Variants in ESD observed in about 807,000 individuals in gnomAD.
The protein encoded by ESD is S-formylglutathione hydrolase.
ESD carries 34 observed loss-of-function variants against 38.1 expected under a neutral mutation model. That is an observed-to-expected ratio of 0.89 (90% CI 0.68 to 1.19). The LOEUF (loss-of-function observed/expected upper bound fraction) is 1.19, where lower values mean the gene tolerates loss of function less well. Among genes scored for constraint, ESD ranks in the 50% most tolerant of loss-of-function variants. ESD has a pLI of 0.00. For synonymous variants in ESD, 97 were observed against 107.0 expected, an observed-to-expected ratio of 0.91 and a Z score of 0.58; for missense variants, 334 against 327.2, an observed-to-expected ratio of 1.02 and a Z score of -0.16.
At chr13:46,784,166 A>T in intron 5 of ESD, 86 bp downstream of exon 5, 1 of 1,001,940 alleles carries the variant, frequency 1.0e-6, no homozygotes, top group African/African-American at 1.7e-5. Context: ...TATAAAATGA[A>T]TTGTATAATG....
At position 46,784,156 on chromosome 13, in the gene ESD, T is replaced by C. The variant is rs116726547; in HGVS notation, c.256+96A>G. ...AGGTTAATAGAGATAACAGCAAAAATATAAAATGAATTGTATAATGTATAT... is the reference window on the plus strand; with the variant it reads ...AGGTTAATAGAGATAACAGCAAAAACATAAAATGAATTGTATAATGTATAT... On this transcript the variant is annotated intron_variant, in intron 5 of 9. Transcript: ENST00000378720. 4.5e-3 allele frequency: 4,298 copies of C among 948,084 alleles called. 122 individuals are homozygous for C. In the African/African-American group the frequency reaches 0.063, roughly 14 times the overall value. The allele number at this position is 948,084 out of a possible 1,614,324, so 58.7% of individuals were successfully genotyped here.
intron 2 of ESD, among the ~76,000 whole-genome samples, 176 bp from the exon 3 acceptor site, chr13:46,791,596 T>C (rs1331421561): frequency 6.6e-6 from 1 of 152,088 alleles, no homozygotes; most frequent in Non-Finnish European, 1.5e-5. Context: ...CGCTCATACA[T>C]GCATTTACAC....
At chr13:46,796,067 C>T (rs1875565627) in intron 1 of ESD, among the ~76,000 whole-genome samples, 3 of 152,138 alleles carry the variant, frequency 2.0e-5, no homozygotes, top group Admixed American at 1.3e-4. Context: ...ACGCCAAACA[C>T]CTTCACATGG....
intron 1 of ESD, among the ~76,000 whole-genome samples, chr13:46,794,919 G>C (rs925240167): frequency 6.6e-6 from 1 of 151,924 alleles, no homozygotes; most frequent in Non-Finnish European, 1.5e-5. Context: ...CATTTTCTGG[G>C]TGAAATAATC....
intron 8 of ESD, among the ~76,000 whole-genome samples, chr13:46,778,641 G>A (rs1874888833): frequency 6.6e-6 from 1 of 151,700 alleles, no homozygotes; most frequent in East Asian, 1.9e-4. Flanking sequence ...ATAAGCCCCT[G>A]GTGGATGTGA....
At chr13:46,793,497 T>TTA (rs1433572384) in intron 1 of ESD, 53 bp from the exon 2 acceptor site, 2 of 152,590 alleles carry the variant, frequency 1.3e-5, no homozygotes, top group African/African-American at 2.4e-5. Flanking sequence ...ACAGCAAAGG[T>TTA]TATACAGAGC....
chr13:46,793,053 G>A (rs1566284908), intron 2 of ESD, among the ~76,000 whole-genome samples: 1 of 151,954 alleles, frequency 6.6e-6, no homozygotes, highest in African/African-American at 2.4e-5. Flanking sequence ...AAAATCAAAT[G>A]CTTTTCATTT....
chr13:46,786,046 A>G (rs1196652663), intron 4 of ESD, among the ~76,000 whole-genome samples: 1 of 152,042 alleles, frequency 6.6e-6, no homozygotes. Flanking sequence ...TAGGGATTAC[A>G]TGATTTCTAA....
At position 46,789,871 on chromosome 13, in the gene ESD, A is replaced by G. The variant is rs143152629; in HGVS notation, c.68+1475T>C. ...GCTCTTGTCGCCCAGGCTGGAGTGC[A>G]GTGGTGCCATCTTAGCTCACTGCAA... On this transcript the variant is annotated intron_variant, in intron 3 of 9. Transcript: ENST00000378720. Among the ~76,000 whole-genome samples, 344 of 151,948 alleles carry G rather than the reference A, an allele frequency of 2.3e-3. 2 individuals carry two copies. Among genetic ancestry groups the G allele is most frequent in the African/African-American group, 7.5e-3 (310 of 41,448 alleles).
chr13:46,792,529 A>T (rs1875434140), intron 2 of ESD, among the ~76,000 whole-genome samples: 1 of 152,008 alleles, frequency 6.6e-6, no homozygotes, highest in African/African-American at 2.4e-5. Context: ...TGGGATTTGA[A>T]CCCAGAAGTC....
intron 4 of ESD, among the ~76,000 whole-genome samples, chr13:46,784,932 T>C (rs912554508): frequency 8.5e-5 from 13 of 152,136 alleles, no homozygotes; most frequent in African/African-American, 2.6e-4. Context: ...CAGTGAAGTG[T>C]TATCAAATAT....
In ESD at chr13:46,780,045, A is replaced by G; in HGVS notation, c.502-12T>C. 1 of 1,548,562 alleles carries G rather than the reference A, an allele frequency of 6.5e-7. No individual in the cohort carries two copies. The highest frequency in any genetic ancestry group is 1.2e-5 in the South Asian group (1 of 84,736). On this transcript the variant is annotated splice_polypyrimidine_tract_variant and intron_variant, in intron 7 of 9. Transcript: ENST00000378720. Reference sequence around the variant, plus strand: ...AATGCTGACACAGACTTCAGAAACAAAAGAAATTTAAAAACAAGTTATATT... The same window carrying G: ...AATGCTGACACAGACTTCAGAAACAGAAGAAATTTAAAAACAAGTTATATT...
chr13:46,774,615 C>G (rs1456406289), intron 9 of ESD, among the ~76,000 whole-genome samples: 2 of 152,010 alleles, frequency 1.3e-5, no homozygotes, highest in Admixed American at 6.6e-5. Context: ...AAATGAACAC[C>G]TTTCATTCTT....
At chr13:46,785,753 A>C (rs566989376) in intron 4 of ESD, 1 of 152,000 alleles carries the variant, frequency 6.6e-6, no homozygotes, top group African/African-American at 2.4e-5. Context: ...AAAATTCTGT[A>C]TTTTATACTT....
intron 1 of ESD, among the ~76,000 whole-genome samples, chr13:46,794,540 T>TA (rs748836472): frequency 6.6e-6 from 1 of 152,102 alleles, no homozygotes; most frequent in Non-Finnish European, 1.5e-5. Flanking sequence ...CTTTACTTAT[T>TA]AAAGTTAAAT....
At chr13:46,775,436 C>T in intron 9 of ESD, 38 of 261,436 alleles carry the variant, frequency 1.5e-4, no homozygotes, top group East Asian at 3.2e-4. Flanking sequence ...ATATATATCC[C>T]CTATTATTTT....
At chr13:46,790,421 A>G (rs996510017) in intron 3 of ESD, among the ~76,000 whole-genome samples, 1 of 152,088 alleles carries the variant, frequency 6.6e-6, no homozygotes, top group Non-Finnish European at 1.5e-5. Flanking sequence ...GGGCTACTCA[A>G]ACTCCCCACA....
At chr13:46,797,261 TC>T (rs1377340696), upstream of ESD, 3 of 152,536 alleles carry the variant, frequency 2.0e-5, no homozygotes, top group Non-Finnish European at 4.4e-5. Context: ...CTTCTCCAGT[TC>T]AGTCTCCATG....
Position 46,777,503 on chromosome 13 carries a change from C to G in ESD, c.721G>C (p.Ala241Pro). The G allele has an allele frequency of 6.2e-7, 1 of 1,611,000 alleles. No homozygotes were observed. The highest frequency in any genetic ancestry group is 1.1e-5 in the South Asian group (1 of 90,730). ...DGQLLPDNFI[A>P]ACTEKKIPVV... ...GGGATTTTCTTTTCTGTACAGGCAG[C>G]TATGAAGTTATCAGGGAGTAACTGT... is the stretch of plus-strand genomic sequence containing the variant. The change falls in exon 9 of 10, where the codon GCT becomes CCT. Residue 241 changes from alanine (A) to proline (P), a missense_variant. Transcript: ENST00000378720.
Sources: allele counts gnomAD v4.1 joint callset (sites outside exome capture counted in the v4.1 genomes callset), GRCh38; gene constraint gnomAD v4.1.1; transcripts MANE v1.5; gene names NCBI Gene and HGNC (gene_info 2026-07-23, HGNC 2026-07-21).